The following RNF11 variants were observed in gnomAD, a reference collection of about 807,000 sequenced individuals.
RNF11 encodes ring finger protein 11.
Under a neutral mutation model 15.8 loss-of-function variants are expected in RNF11, and 4 were observed. The observed-to-expected ratio is 0.25, with a 90% CI of 0.12 to 0.58. The LOEUF (loss-of-function observed/expected upper bound fraction) is 0.58. Among genes scored for constraint, RNF11 ranks in the 20% least tolerant of loss-of-function variants. RNF11 has a pLI of 0.91. For missense variants in RNF11, 139 were observed against 194.4 expected (o/e 0.71, Z 1.70); for synonymous variants, 68 against 72.3 (o/e 0.94, Z 0.30).
At chr1:51,261,604 A>G (rs935350233) in intron 1 of RNF11, among the ~76,000 whole-genome samples, 1 of 152,150 alleles carries the variant, frequency 6.6e-6, no homozygotes, top group African/African-American at 2.4e-5. Flanking sequence ...CAGTGGCACG[A>G]TCTCAGCTCA....
chr1:51,246,301 T>A (rs1192345335), intron 1 of RNF11, among the ~76,000 whole-genome samples: 2 of 151,934 alleles, frequency 1.3e-5, no homozygotes, highest in South Asian at 4.2e-4. Flanking sequence ...ACAGGCTGTG[T>A]GCAGTGGCTC....
rs1646981984 is a variant in RNF11 at position 51,272,141 on chromosome 1, GTTAAA to G, written c.*822_*826del. 1 of 152,532 alleles carries G rather than the reference GTTAAA, an allele frequency of 6.6e-6. No individual in the cohort carries two copies. Among genetic ancestry groups the G allele is most frequent in the Non-Finnish European group, 1.5e-5 (1 of 68,032 alleles). The allele number at this position is 152,532 out of a possible 1,614,324, so 9.4% of individuals were successfully genotyped here. Reference sequence around the variant, plus strand: ...TAATATGGTGATAATGGAAAGTCAAGTTAAATTTTAAATATTAAGAATTCTGATTT... The same window carrying G: ...TAATATGGTGATAATGGAAAGTCAAGTTTTAAATATTAAGAATTCTGATTT... On this transcript the variant is annotated 3_prime_UTR_variant, in exon 3 of 3. Transcript: ENST00000242719.
chr1:51,251,431 G>A (rs1646877732), intron 1 of RNF11: 2 of 980,878 alleles, frequency 2.0e-6, no homozygotes, highest in East Asian at 5.2e-5. Context: ...CCCATCCCAG[G>A]GCCTCCGGGC....
chr1:51,269,478 G>A (rs907176288), intron 1 of RNF11, among the ~76,000 whole-genome samples: 2 of 152,182 alleles, frequency 1.3e-5, no homozygotes, highest in African/African-American at 2.4e-5. Context: ...TTGTTTTGTT[G>A]TGTAAAAAAT....
In RNF11 at chr1:51,236,734, A is replaced by G. The variant is rs973602938; in HGVS notation, c.-23A>G. The G allele has an allele frequency of 3.7e-6, 6 of 1,609,260 alleles. No individual in the cohort carries two copies. Among genetic ancestry groups the G allele is most frequent in the Non-Finnish European group, 5.1e-6 (6 of 1,178,136 alleles). On this transcript the variant is annotated 5_prime_UTR_variant, in exon 1 of 3. Transcript: ENST00000242719. Reference sequence around the variant, plus strand: ...CCACCGCTGCTTTCTCCTCCCCCAGATCACGCACCCCAGCTCCGGAAGATG... The same window carrying G: ...CCACCGCTGCTTTCTCCTCCCCCAGGTCACGCACCCCAGCTCCGGAAGATG...
chr1:51,248,545 G>A (rs539522116), intron 1 of RNF11, among the ~76,000 whole-genome samples: 1 of 152,154 alleles, frequency 6.6e-6, no homozygotes, highest in Non-Finnish European at 1.5e-5. Context: ...TAAGCTCAAC[G>A]GGGAAAGGAG....
intron 1 of RNF11, among the ~76,000 whole-genome samples, chr1:51,268,286 C>G (rs575475791): frequency 1.3e-5 from 2 of 152,270 alleles, no homozygotes; most frequent in African/African-American, 4.8e-5. Flanking sequence ...AGGTCTTAGT[C>G]ATTTCCTTTC....
intron 1 of RNF11, among the ~76,000 whole-genome samples, chr1:51,253,538 A>C (rs1049521974): frequency 2.0e-5 from 3 of 151,212 alleles, no homozygotes; most frequent in African/African-American, 7.3e-5. Context: ...AAAAAAAAAA[A>C]AGGAGGTGGG....
chr1:51,242,073 A>G (rs1425732802), intron 1 of RNF11, among the ~76,000 whole-genome samples: 1 of 152,180 alleles, frequency 6.6e-6, no homozygotes, highest in Non-Finnish European at 1.5e-5. Flanking sequence ...TCCCCGACCT[A>G]TACTTTTTGA....
At chr1:51,245,599 GCAC>G (rs1282661735) in intron 1 of RNF11, among the ~76,000 whole-genome samples, 4 of 151,940 alleles carry the variant, frequency 2.6e-5, no homozygotes, top group Admixed American at 1.3e-4. Flanking sequence ...TTAGAGGCAA[GCAC>G]CACCACACCT....
At chr1:51,253,257 G>T (rs1646889233) in intron 1 of RNF11, among the ~76,000 whole-genome samples, 1 of 152,118 alleles carries the variant, frequency 6.6e-6, no homozygotes, top group African/African-American at 2.4e-5. Context: ...GGGCACAGGG[G>T]TTCAAGCCTG....
chr1:51,238,357 C>G (rs1215844521), intron 1 of RNF11, among the ~76,000 whole-genome samples: 4 of 152,148 alleles, frequency 2.6e-5, no homozygotes, highest in Admixed American at 2.0e-4. Context: ...TCGCCTCCTT[C>G]AGTGCAAGCT....
intron 1 of RNF11, among the ~76,000 whole-genome samples, chr1:51,240,158 C>A (rs988912637): frequency 9.2e-5 from 14 of 152,178 alleles, no homozygotes; most frequent in Non-Finnish European, 1.8e-4. Flanking sequence ...AAATCAGATT[C>A]CTTATAGTGT....
intron 1 of RNF11, among the ~76,000 whole-genome samples, chr1:51,264,115 G>A: frequency 6.6e-6 from 1 of 150,974 alleles, no homozygotes. Flanking sequence ...TAATTAGCGG[G>A]GCATAGTAGC....
At chr1:51,246,875 A>G (rs1277553350) in intron 1 of RNF11, among the ~76,000 whole-genome samples, 4 of 151,144 alleles carry the variant, frequency 2.6e-5, no homozygotes, top group Non-Finnish European at 3.0e-5. Context: ...TTAATCAGGA[A>G]GCTGAGGCAG....
intron 1 of RNF11, among the ~76,000 whole-genome samples, chr1:51,264,398 G>A (rs560595156): frequency 1.4e-5 from 2 of 144,478 alleles, no homozygotes; most frequent in South Asian, 4.4e-4. Flanking sequence ...AATTGTTCAG[G>A]AACTGCATCA....
At chr1:51,250,551 T>A in intron 1 of RNF11, 1 of 538,416 alleles carries the variant, frequency 1.9e-6, no homozygotes, top group Non-Finnish European at 3.3e-6. Context: ...TTGTGACAAT[T>A]TTTTTTTTTT....
At chr1:51,259,188 C>T (rs1646918841) in intron 1 of RNF11, among the ~76,000 whole-genome samples, 1 of 152,168 alleles carries the variant, frequency 6.6e-6, no homozygotes, top group Admixed American at 6.5e-5. Flanking sequence ...GTGCCACTGG[C>T]ATCTAGTGGA....
chr1:51,257,853 C>T (rs7528194), intron 1 of RNF11, among the ~76,000 whole-genome samples: 82,180 of 92,136 alleles, frequency 0.89, 37,693 homozygotes, highest in East Asian at 0.98. Flanking sequence ...CTTTTCTTTT[C>T]TTTTTTTTTT....
Sources: gnomAD v4.1 joint callset for allele counts (sites outside exome capture counted in the v4.1 genomes callset) on GRCh38, gnomAD v4.1.1 for gene constraint, MANE v1.5 for transcripts, NCBI Gene and HGNC (gene_info 2026-07-23, HGNC 2026-07-21) for gene names.